TTLL11: variants seen among roughly 807,000 people sequenced by gnomAD.
TTLL11 encodes tubulin tyrosine ligase like 11, also known as tubulin polyglutamylase TTLL11.
TTLL11 carries 42 observed loss-of-function variants against 51.7 expected under a neutral mutation model. That is an observed-to-expected ratio of 0.81 (90% CI 0.64 to 1.05). The LOEUF (loss-of-function observed/expected upper bound fraction) is 1.05, where lower values mean the gene tolerates loss of function less well. Ranked by LOEUF, TTLL11 falls within the 50% of genes least tolerant of loss-of-function variation. The pLI is 0.00. For synonymous variants in TTLL11, 381 were observed against 383.5 expected, an observed-to-expected ratio of 0.99 and a Z score of 0.08; for missense variants, 799 against 940.4, an observed-to-expected ratio of 0.85 and a Z score of 1.97.
intron 3 of TTLL11, among the ~76,000 whole-genome samples, chr9:122,026,909 T>TAAAAAAAA (rs57149192): frequency 8.3e-6 from 1 of 119,922 alleles, no homozygotes; most frequent in Non-Finnish European, 1.8e-5. Flanking sequence ...AAGTTCATTC[T>TAAAAAAAA]AAAAAAAAAA....
chr9:121,992,698 T>G (rs1353429665), intron 3 of TTLL11, among the ~76,000 whole-genome samples: 2 of 152,342 alleles, frequency 1.3e-5, no homozygotes, highest in Admixed American at 6.5e-5. Flanking sequence ...ATCCATTACC[T>G]TGTAACGGTA....
chr9:122,048,153 T>C (rs1313527287), intron 1 of TTLL11, among the ~76,000 whole-genome samples: 1 of 152,066 alleles, frequency 6.6e-6, no homozygotes, highest in East Asian at 1.9e-4. Flanking sequence ...GACTTTTATT[T>C]TCATTATTTT....
intron 8 of TTLL11, among the ~76,000 whole-genome samples, chr9:121,847,855 A>G (rs1837562164): frequency 1.3e-5 from 2 of 152,246 alleles, no homozygotes; most frequent in Non-Finnish European, 2.9e-5. Flanking sequence ...ACCAGAAAGA[A>G]AAACTGCATA....
intron 6 of TTLL11, among the ~76,000 whole-genome samples, chr9:121,895,315 TGA>T (rs1839419644): frequency 1.3e-5 from 2 of 151,032 alleles, no homozygotes; most frequent in African/African-American, 4.9e-5. Context: ...TTTGTGTATG[TGA>T]GTGTGTGCAC....
chr9:122,060,627 G>A (rs1845412052), intron 1 of TTLL11, among the ~76,000 whole-genome samples: 1 of 152,174 alleles, frequency 6.6e-6, no homozygotes, highest in Non-Finnish European at 1.5e-5. Flanking sequence ...ATCTTGGTTT[G>A]AATCCAAGTT....
intron 3 of TTLL11, among the ~76,000 whole-genome samples, chr9:121,992,300 T>C (rs1457740434): frequency 6.6e-6 from 1 of 152,204 alleles, no homozygotes; most frequent in East Asian, 1.9e-4. Flanking sequence ...AGAATTCATA[T>C]TCACTCTCCT....
At position 121,816,062 on chromosome 9, in the gene TTLL11, C is replaced by T. The variant is rs910868886; in HGVS notation, c.*6525G>A. Reference sequence around the variant, plus strand: ...CGCACCCGGTTCTTTACATACATTACGACGTGATCCCCACTATCTAGGCAA... The same window carrying T: ...CGCACCCGGTTCTTTACATACATTATGACGTGATCCCCACTATCTAGGCAA... On this transcript the variant is annotated 3_prime_UTR_variant, in exon 9 of 9. Coordinates refer to ENST00000321582, the MANE Select transcript of TTLL11 (RefSeq NM_001139442.2). 6.6e-6 allele frequency: 1 copy of T among 152,206 alleles called. No individual in the cohort carries two copies. The highest frequency in any genetic ancestry group is 2.4e-5 in the African/African-American group (1 of 41,446). The allele number at this position is 152,206 out of a possible 1,614,324, so 9.4% of individuals were successfully genotyped here.
At chr9:122,006,496 A>G (rs1843649770) in intron 3 of TTLL11, among the ~76,000 whole-genome samples, 3 of 152,142 alleles carry the variant, frequency 2.0e-5, no homozygotes, top group Admixed American at 6.5e-5. Flanking sequence ...CAGTGATTAT[A>G]TAGGAAAATA....
intron 6 of TTLL11, among the ~76,000 whole-genome samples, chr9:121,904,929 C>T (rs1297473689): frequency 2.6e-5 from 4 of 152,280 alleles, no homozygotes; most frequent in East Asian, 1.9e-4. Flanking sequence ...CATGTATGGA[C>T]GTCGATGCTC....
intron 3 of TTLL11, among the ~76,000 whole-genome samples, chr9:122,000,471 CAAAAAAAAAAAA>C (rs57775265): frequency 1.3e-4 from 3 of 22,814 alleles, no homozygotes; most frequent in East Asian, 2.2e-3. Flanking sequence ...GACTCCGTCG[CAAAAAAAAAAAA>C]AAAAAAAAAA....
intron 4 of TTLL11, among the ~76,000 whole-genome samples, chr9:121,980,376 T>C (rs1266829577): frequency 6.6e-6 from 1 of 152,194 alleles, no homozygotes; most frequent in African/African-American, 2.4e-5. Flanking sequence ...TCTTTCATAG[T>C]AAGGACTGAA....
rs368701112 is a variant in TTLL11, at chr9:121,982,136, T to C, written c.1269+7059A>G. Among the ~76,000 whole-genome samples, 188 of 152,304 alleles carry C rather than the reference T, an allele frequency of 1.2e-3. 1 individual carries two copies. The highest frequency in any genetic ancestry group is 4.3e-3 in the African/African-American group (178 of 41,574). On this transcript the variant is annotated intron_variant, in intron 4 of 8. Transcript: ENST00000321582. Reference sequence around the variant, plus strand: ...TCCTCAACTCAATGAGGTCACTGGATGCTGTTTAGGTTTACCTCCTCTGTG... The same window carrying C: ...TCCTCAACTCAATGAGGTCACTGGACGCTGTTTAGGTTTACCTCCTCTGTG...
rs1333661991 is a variant in TTLL11, at chr9:121,853,468, G to GT, written c.1840+6868dup. On this transcript the variant is annotated intron_variant, in intron 8 of 8. Coordinates refer to ENST00000321582, the MANE Select transcript of TTLL11 (RefSeq NM_001139442.2). This position sits in a 1 kb window ranked among gnomAD's most constrained non-coding sequence, Gnocchi z 5.6. ...GCAAGGAGAGGGGGTTCCTGCAGAG[G>GT]TGGGGGCCTGAGGGGGCCGGCCATT... Among the ~76,000 whole-genome samples, 8 of 150,954 alleles carry GT rather than the reference G, an allele frequency of 5.3e-5. No homozygotes were observed. The highest frequency in any genetic ancestry group is 1.9e-4 in the African/African-American group (8 of 41,070).
intron 7 of TTLL11, among the ~76,000 whole-genome samples, chr9:121,861,111 A>T (rs1249130707): frequency 6.8e-6 from 1 of 147,978 alleles, no homozygotes; most frequent in Non-Finnish European, 1.5e-5. Context: ...TTTTGGATAC[A>T]GAGTCTTGCT....
chr9:122,045,695 T>C (rs1029118563), intron 1 of TTLL11, among the ~76,000 whole-genome samples: 2 of 152,198 alleles, frequency 1.3e-5, no homozygotes, highest in African/African-American at 2.4e-5. Flanking sequence ...ATATGGTATA[T>C]AAATACAATA....
rs759336197 is a variant in TTLL11, at chr9:121,822,711, C to T, written c.2009G>A (p.Gly670Asp). Residue 670 changes from glycine (G) to aspartate (D), a missense_variant, in exon 9 of 9, where the codon GGC (glycine) becomes GAC (aspartate). This residue lies in a region of TTLL11 where 165 missense variants were observed against 166.1 expected (regional missense o/e 0.99). Transcript: ENST00000321582. The surrounding 1 kb of genome is among the most constrained non-coding windows in gnomAD (Gnocchi z 5.8). Reference sequence around the variant, plus strand: ...GGGAGGGCCACGGTGTGGGGGCCGGCCCCCCGACGGGACGCCCCGGCCACA... The same window carrying T: ...GGGAGGGCCACGGTGTGGGGGCCGGTCCCCCGACGGGACGCCCCGGCCACA... ...LVCGRGVPSG[G>D]RPPHRGPPQE... The T allele has an allele frequency of 6.5e-7, 1 of 1,549,930 alleles. No homozygotes were observed. The highest frequency in any genetic ancestry group is 2.4e-5 in the East Asian group (1 of 40,852).
intron 6 of TTLL11, among the ~76,000 whole-genome samples, chr9:121,965,035 C>T (rs555919320): frequency 4.3e-4 from 66 of 152,270 alleles, no homozygotes; most frequent in African/African-American, 1.4e-3. Context: ...AATAAACACT[C>T]GAGATAAATA....
At chr9:121,926,245 C>T (rs1055577551) in intron 6 of TTLL11, among the ~76,000 whole-genome samples, 3 of 152,110 alleles carry the variant, frequency 2.0e-5, no homozygotes, top group Non-Finnish European at 4.4e-5. Flanking sequence ...GGGGACCCTG[C>T]GCTGCCCACA....
chr9:121,823,697 G>C (rs1375755664), intron 8 of TTLL11, among the ~76,000 whole-genome samples: 3 of 152,210 alleles, frequency 2.0e-5, no homozygotes, highest in Non-Finnish European at 4.4e-5. Flanking sequence ...CAAAACTCAA[G>C]TTGTGCCTTA....
Sources: gnomAD v4.1 joint callset for allele counts (sites outside exome capture counted in the v4.1 genomes callset) on GRCh38, gnomAD v4.1.1 for gene constraint, gnomAD v4.1.1 regional missense constraint, Gnocchi (gnomAD v3.1) non-coding constraint, MANE v1.5 for transcripts, NCBI Gene and HGNC (gene_info 2026-07-23, HGNC 2026-07-21) for gene names.